The following ENPP1 variants were observed in gnomAD, a reference collection of about 807,000 sequenced individuals.
ENPP1 encodes the protein ectonucleotide pyrophosphatase/phosphodiesterase 1.
ENPP1 carries 73 observed loss-of-function variants against 122.8 expected under a neutral mutation model. The ratio of observed to expected loss-of-function variants is 0.59; its 90% confidence interval spans 0.49 to 0.72. ENPP1 has a LOEUF of 0.72. Among genes scored for constraint, ENPP1 ranks in the 30% least tolerant of loss-of-function variants. The probability of loss-of-function intolerance (pLI) is 0.00; values close to 1 mark genes in which losing one functional copy is unlikely to be tolerated. For synonymous variants in ENPP1, 367 were observed against 391.6 expected (o/e 0.94, Z 0.74); for missense variants, 978 against 1,128.1 (o/e 0.87, Z 1.91).
chr6:131,886,928 T>TTC (rs1491066975), intron 24 of ENPP1, among the ~76,000 whole-genome samples: 50 of 8,236 alleles, frequency 6.1e-3, no homozygotes, highest in African/African-American at 6.4e-3. Context: ...ACTTTTTTCT[T>TTC]TTTTTTTTTT....
In ENPP1 at chr6:131,891,663, T is replaced by C. The variant is rs753598661; in HGVS notation, c.*1152T>C. ...TTTTTATATGTCCTTCGTGTGACCA[T>C]TCTTCAACGGCCTAAGGGCCAGCTG... On this transcript the variant is annotated 3_prime_UTR_variant, in exon 25 of 25. Coordinates refer to ENST00000647893, the MANE Select transcript of ENPP1 (RefSeq NM_006208.3). 6.6e-6 allele frequency: 1 copy of C among 152,202 alleles called. No homozygotes were observed. Among genetic ancestry groups the C allele is most frequent in the Non-Finnish European group, 1.5e-5 (1 of 68,046 alleles). 9.4% of individuals were successfully genotyped at this position (152,202 alleles called of 1,614,324 possible). A position where few individuals can be genotyped will look rare whatever the true frequency, so the allele number is the denominator to read the frequency against.
Position 131,861,577 on chromosome 6 carries a change from C to T in ENPP1, c.916-18C>T, listed in dbSNP as rs1021684362. 1.4e-5 allele frequency: 21 copies of T among 1,489,500 alleles called. No individual in the cohort carries two copies. The highest frequency in any genetic ancestry group is 1.8e-5 in the Non-Finnish European group (19 of 1,066,492). The allele number at this position is 1,489,500 out of a possible 1,614,324, so 92.3% of individuals were successfully genotyped here. ...ATGTTTGCATGATTTCTTAATTTTC[C>T]TTCATTTTCTGCTCCAGATTTGGGT... is the stretch of plus-strand genomic sequence containing the variant. On this transcript the variant is annotated intron_variant, in intron 8 of 24. Transcript: ENST00000647893.
intron 1 of ENPP1, among the ~76,000 whole-genome samples, chr6:131,844,243 A>C (rs1310407568): frequency 2.0e-5 from 3 of 152,228 alleles, no homozygotes; most frequent in Non-Finnish European, 2.9e-5. Flanking sequence ...CACAAATTTC[A>C]GTTACCACAG....
chr6:131,875,683 G>C, intron 16 of ENPP1, 93 bp from the exon 17 acceptor site: 1 of 905,608 alleles, frequency 1.1e-6, no homozygotes, highest in Non-Finnish European at 1.9e-6. Flanking sequence ...ATCATAACCA[G>C]TTTGTATATG....
At chr6:131,836,731 A>C (rs945133859) in intron 1 of ENPP1, among the ~76,000 whole-genome samples, 1 of 152,196 alleles carries the variant, frequency 6.6e-6, no homozygotes, top group Non-Finnish European at 1.5e-5. Context: ...TGGAAAGTCA[A>C]ACAAAATTGC....
At chr6:131,836,389 C>G (rs1562515136) in intron 1 of ENPP1, among the ~76,000 whole-genome samples, 1 of 151,140 alleles carries the variant, frequency 6.6e-6, no homozygotes, top group African/African-American at 2.4e-5. Flanking sequence ...GCTGGGATTA[C>G]ATGTGTGAGT....
At chr6:131,816,556 A>G (rs1464885201) in intron 1 of ENPP1, among the ~76,000 whole-genome samples, 1 of 152,366 alleles carries the variant, frequency 6.6e-6, no homozygotes, top group East Asian at 1.9e-4. Context: ...ACAATGTAGG[A>G]ACACATTTAA....
intron 4 of ENPP1, 115 bp downstream of exon 4, chr6:131,851,382 C>T (rs1781879565): frequency 1.5e-6 from 2 of 1,317,684 alleles, no homozygotes; most frequent in African/African-American, 3.0e-5. Context: ...ACTATATTAG[C>T]TGAAAAAAAT....
At chr6:131,833,887 G>T (rs1781642147) in intron 1 of ENPP1, among the ~76,000 whole-genome samples, 1 of 152,152 alleles carries the variant, frequency 6.6e-6, no homozygotes, top group Non-Finnish European at 1.5e-5. Flanking sequence ...ACTTCTGGGG[G>T]TTAACTATCT....
In ENPP1 at chr6:131,845,019, T is replaced by C. The variant is rs951602650; in HGVS notation, c.241-2757T>C. Among the ~76,000 whole-genome samples, 45 of 147,264 alleles carry C rather than the reference T, an allele frequency of 3.1e-4. 1 individual carries two copies. Among genetic ancestry groups the C allele is most frequent in the African/African-American group, 1.0e-3 (42 of 40,120 alleles). The stretch of plus-strand genomic sequence containing the variant: ...GGACTATTCTAGATAAGTTTACAGA[T>C]AAATACAATTTCAATTCTTCATGGT... On this transcript the variant is annotated intron_variant, in intron 1 of 24. Coordinates refer to ENST00000647893, the MANE Select transcript of ENPP1 (RefSeq NM_006208.3).
chr6:131,854,074 T>A (rs1306037691), intron 5 of ENPP1, among the ~76,000 whole-genome samples: 1 of 152,192 alleles, frequency 6.6e-6, no homozygotes, highest in Non-Finnish European at 1.5e-5. Context: ...TTGTATTAAG[T>A]ATTTATATCT....
At chr6:131,885,310 T>G (rs996185266) in intron 23 of ENPP1, among the ~76,000 whole-genome samples, 1 of 152,248 alleles carries the variant, frequency 6.6e-6, no homozygotes, top group South Asian at 2.1e-4. Flanking sequence ...GAATAATTTT[T>G]GCACTCAGTT....
At chr6:131,883,864 T>G in intron 22 of ENPP1, 90 bp downstream of exon 22, 1 of 720,376 alleles carries the variant, frequency 1.4e-6, no homozygotes, top group Non-Finnish European at 2.5e-6. Context: ...ATGGTCTAAA[T>G]TAAATGAATT....
chr6:131,885,140 A>G, intron 23 of ENPP1, 77 bp downstream of exon 23: 3 of 1,433,010 alleles, frequency 2.1e-6, no homozygotes, highest in South Asian at 2.3e-5. Flanking sequence ...AGTTGAGTCA[A>G]CAGAACCTTT....
Position 131,893,949 on chromosome 6 carries a change from C to CTTTTTTTTTTTTTTTTTTT in ENPP1, c.*3450_*3468dup, listed in dbSNP as rs564304453. ...GTGAAACCTTTATTTATCTTGATTT[C>CTTTTTTTTTTTTTTTTTTT]TTTTTTTTTTTTTTTTTTTTTTTTT... is the stretch of plus-strand genomic sequence containing the variant. On this transcript the variant is annotated 3_prime_UTR_variant, in exon 25 of 25. Transcript: ENST00000647893. 67 of 59,508 alleles carry CTTTTTTTTTTTTTTTTTTT rather than the reference C, an allele frequency of 1.1e-3. 4 individuals carry two copies. Among genetic ancestry groups the CTTTTTTTTTTTTTTTTTTT allele is most frequent in the Non-Finnish European group, 1.7e-3 (54 of 32,654 alleles). The allele number at this position is 59,508 out of a possible 1,614,324, so 3.7% of individuals were successfully genotyped here. A position where few individuals can be genotyped will look rare whatever the true frequency, so the allele number is the denominator to read the frequency against.
intron 1 of ENPP1, among the ~76,000 whole-genome samples, chr6:131,813,646 G>T (rs115534983): frequency 6.6e-6 from 1 of 152,108 alleles, no homozygotes; most frequent in Non-Finnish European, 1.5e-5. Context: ...TTATAACTTG[G>T]TGTCTTATTG....
At chr6:131,877,496 C>T in intron 18 of ENPP1, 1 of 360,348 alleles carries the variant, frequency 2.8e-6, no homozygotes, top group Admixed American at 4.2e-5. Flanking sequence ...GCTGTTAACT[C>T]TAGCAGTGAG....
chr6:131,843,440 A>G (rs967742740), intron 1 of ENPP1, among the ~76,000 whole-genome samples: 3 of 152,216 alleles, frequency 2.0e-5, no homozygotes, highest in African/African-American at 7.2e-5. Context: ...ATAAAGAGCT[A>G]TATATAAACC....
intron 1 of ENPP1, among the ~76,000 whole-genome samples, chr6:131,817,526 G>A (rs928965050): frequency 1.8e-4 from 28 of 152,194 alleles, no homozygotes; most frequent in African/African-American, 5.5e-4. Context: ...TTCTTAGTTT[G>A]AGTTTCCTTC....
Sources: gnomAD v4.1 joint callset for allele counts (sites outside exome capture counted in the v4.1 genomes callset) on GRCh38, gnomAD v4.1.1 for gene constraint, MANE v1.5 for transcripts, NCBI Gene and HGNC (gene_info 2026-07-23, HGNC 2026-07-21) for gene names.